Variants in SMIM14 observed in about 807,000 individuals in gnomAD.
The protein encoded by SMIM14 is small integral membrane protein 14.
A neutral mutation model predicts 12.6 loss-of-function variants in SMIM14; 5 were observed. The observed-to-expected ratio is 0.40, with a 90% CI of 0.21 to 0.83. SMIM14 has a LOEUF of 0.83. Among genes scored for constraint, SMIM14 ranks in the 40% least tolerant of loss-of-function variants. SMIM14 has a pLI of 0.37. For missense variants in SMIM14, 86 were observed against 119.1 expected, an observed-to-expected ratio of 0.72 and a Z score of 1.29; for synonymous variants, 30 against 40.1, an observed-to-expected ratio of 0.75 and a Z score of 0.95.
chr4:39,619,792 A>T lies in SMIM14; in HGVS notation c.-35-14612T>A, dbSNP rs543622610. Among the ~76,000 whole-genome samples the T allele has an allele frequency of 4.7e-3, 636 of 136,656 alleles. 9 individuals carry two copies. Among genetic ancestry groups the T allele is most frequent in the African/African-American group, 0.017 (610 of 36,222 alleles). The allele number at this position is 136,656 out of a possible 152,430, so 89.7% of individuals were successfully genotyped here. ...AATAAATAATTTATTATATATATTTATATATATCTCAATTTTCTCAAAAAT... is the reference window on the plus strand; with the variant it reads ...AATAAATAATTTATTATATATATTTTTATATATCTCAATTTTCTCAAAAAT... On this transcript the variant is annotated intron_variant, in intron 1 of 4. Transcript: ENST00000295958.
At position 39,605,122 on chromosome 4, in the gene SMIM14, G is replaced by A; in HGVS notation, c.24C>T (p.Pro8=). 1 of 1,607,272 alleles carries A rather than the reference G, an allele frequency of 6.2e-7. No homozygotes were observed. Among genetic ancestry groups the A allele is most frequent in the South Asian group, 1.1e-5 (1 of 90,064 alleles). Residue 8 remains proline (P), a synonymous_variant, in exon 2 of 5, where the codon CCC becomes CCT. Transcript: ENST00000295958. ...GTTCATGAGAGCAAACACATTCACA[G>A]GGATCAAATCCACCTTCTGCCATGA... MAEGGFD[P]CECVCSHEHA...
At chr4:39,599,933 C>CAAAAA (rs56285045) in intron 2 of SMIM14, among the ~76,000 whole-genome samples, 34 of 115,066 alleles carry the variant, frequency 3.0e-4, no homozygotes, top group Non-Finnish European at 3.2e-4. Flanking sequence ...AAAACAACAA[C>CAAAAA]AAAAAAAAAA....
chr4:39,565,693 T>C lies in SMIM14; in HGVS notation c.124+6722A>G, dbSNP rs115035534. Among the ~76,000 whole-genome samples, 770 of 152,272 alleles carry C rather than the reference T, an allele frequency of 5.1e-3. 5 individuals are homozygous for C. Among genetic ancestry groups the C allele is most frequent in the African/African-American group, 0.017 (725 of 41,542 alleles). ...TTTGACAGAACCACTCCATCTGTTG[T>C]GTTTTGAAAAACGAGAAACAGAAAC... On this transcript the variant is annotated intron_variant, in intron 3 of 4. Transcript: ENST00000295958.
intron 2 of SMIM14, among the ~76,000 whole-genome samples, chr4:39,601,958 AAC>A (rs1491086250): frequency 0.064 from 9,303 of 146,312 alleles, 686 homozygotes; most frequent in East Asian, 0.21. Flanking sequence ...AAAAAAAAAA[AAC>A]AAAAAAAATG....
At chr4:39,588,694 G>C (rs960151252) in intron 2 of SMIM14, among the ~76,000 whole-genome samples, 1 of 151,864 alleles carries the variant, frequency 6.6e-6, no homozygotes, top group Non-Finnish European at 1.5e-5. Flanking sequence ...AAAAAGATCT[G>C]GGAAGATACA....
rs1578352350 is a variant in SMIM14, at chr4:39,606,437, T to TA, written c.-35-1258dup. 2.6e-5 allele frequency among the ~76,000 whole-genome samples: 4 copies of TA among 151,358 alleles called. No individual in the cohort carries two copies. In the East Asian group the frequency reaches 5.8e-4, roughly 22 times the overall value. On this transcript the variant is annotated intron_variant, in intron 1 of 4. Coordinates refer to ENST00000295958, the MANE Select transcript of SMIM14 (RefSeq NM_174921.3). The stretch of plus-strand genomic sequence containing the variant: ...GTGGGTGGATCACAAGGTCAGGAGA[T>TA]AGAGGCCATCCTGGCCAACATGGTG...
intron 3 of SMIM14, among the ~76,000 whole-genome samples, chr4:39,559,531 A>G (rs1457257225): frequency 6.6e-6 from 1 of 152,172 alleles, no homozygotes; most frequent in Admixed American, 6.5e-5. Flanking sequence ...TTGCCTCAGG[A>G]AAAAGTAAAA....
intron 3 of SMIM14, 64 bp downstream of exon 3, chr4:39,572,350 CA>C: frequency 1.6e-6 from 1 of 641,178 alleles, no homozygotes; most frequent in African/African-American, 2.5e-5. Context: ...GACAAATATT[CA>C]CAGGCATCTG....
intron 1 of SMIM14, among the ~76,000 whole-genome samples, chr4:39,609,275 C>T (rs992891561): frequency 2.0e-5 from 3 of 152,084 alleles, no homozygotes; most frequent in Non-Finnish European, 4.4e-5. Context: ...CCACCGTGCC[C>T]GGCCTGTATT....
At chr4:39,599,933 C>CAAAAAA (rs56285045) in intron 2 of SMIM14, among the ~76,000 whole-genome samples, 89 of 114,944 alleles carry the variant, frequency 7.7e-4, no homozygotes, top group Middle Eastern at 8.5e-3. Context: ...AAAACAACAA[C>CAAAAAA]AAAAAAAAAA....
chr4:39,604,962 C>G, intron 2 of SMIM14, 109 bp downstream of exon 2: 1 of 709,916 alleles, frequency 1.4e-6, no homozygotes, highest in East Asian at 2.8e-5. Context: ...TTATGAAATA[C>G]TCTTTAGTGA....
chr4:39,628,402 C>T (rs1402009220), intron 1 of SMIM14, among the ~76,000 whole-genome samples: 6 of 147,898 alleles, frequency 4.1e-5, no homozygotes, highest in Non-Finnish European at 7.5e-5. Context: ...TGACCAGGCG[C>T]GGTGGCTCAC....
intron 1 of SMIM14, among the ~76,000 whole-genome samples, chr4:39,609,922 T>C (rs1714963284): frequency 6.6e-6 from 1 of 152,220 alleles, no homozygotes; most frequent in South Asian, 2.1e-4. Flanking sequence ...GACAAATTAT[T>C]TCATAAATGG....
In SMIM14 at chr4:39,619,612, CAATA is replaced by C. The variant is rs1386966765; in HGVS notation, c.-35-14436_-35-14433del. Among the ~76,000 whole-genome samples the C allele has an allele frequency of 2.7e-3, 208 of 76,698 alleles. 3 individuals are homozygous for C. The highest frequency in any genetic ancestry group is 0.011 in the African/African-American group (193 of 16,858). 50.3% of individuals were successfully genotyped at this position (76,698 alleles called of 152,430 possible). A position where few individuals can be genotyped will look rare whatever the true frequency, so the allele number is the denominator to read the frequency against. ...AATAAATATAATTTATTCTATATAT[CAATA>C]AATATAATTTATTCTATATATCAAT... On this transcript the variant is annotated intron_variant, in intron 1 of 4. Transcript: ENST00000295958.
rs1560289771 is a variant in SMIM14 at position 39,576,682 on chromosome 4, ATATTTTTTTTTTTTTTTTTTTTT to A, written c.76-4242_76-4220del. 2.0e-3 allele frequency among the ~76,000 whole-genome samples: 62 copies of A among 31,018 alleles called. 3 individuals are homozygous for A. Among genetic ancestry groups the A allele is most frequent in the African/African-American group, 9.0e-3 (58 of 6,454 alleles). The allele number at this position is 31,018 out of a possible 152,430, so 20.3% of individuals were successfully genotyped here. On this transcript the variant is annotated intron_variant, in intron 2 of 4. Transcript: ENST00000295958. The stretch of plus-strand genomic sequence containing the variant: ...TGTGTATATATATATATATATATAT[ATATTTTTTTTTTTTTTTTTTTTT>A]TTTTTTTTTTTTTTTTTTTGAGACG...
chr4:39,603,548 G>A (rs896455829), intron 2 of SMIM14, among the ~76,000 whole-genome samples: 3 of 151,940 alleles, frequency 2.0e-5, no homozygotes, highest in African/African-American at 7.3e-5. Flanking sequence ...GACAGAGCGA[G>A]ACTCCATCTC....
chr4:39,572,536 T>C, intron 2 of SMIM14, 73 bp from the exon 3 acceptor site: 1 of 1,356,388 alleles, frequency 7.4e-7, no homozygotes. Context: ...AGAAAGATCA[T>C]GTTTTGGCCG....
intron 1 of SMIM14, among the ~76,000 whole-genome samples, chr4:39,614,215 A>C (rs913026170): frequency 6.6e-6 from 1 of 151,874 alleles, no homozygotes. Context: ...AAAATTCAAA[A>C]TAATCGAGGA....
chr4:39,581,507 CTTTTCT>C (rs1194930935), intron 2 of SMIM14, among the ~76,000 whole-genome samples: 1 of 142,916 alleles, frequency 7.0e-6, no homozygotes, highest in Non-Finnish European at 1.5e-5. Flanking sequence ...CGTTTTTTTC[CTTTTCT>C]TTTTCTTTTT....
Sources: allele counts gnomAD v4.1 joint callset (sites outside exome capture counted in the v4.1 genomes callset), GRCh38; gene constraint gnomAD v4.1.1; transcripts MANE v1.5; gene names NCBI Gene and HGNC (gene_info 2026-07-23, HGNC 2026-07-21).